DPH6: variants seen among roughly 807,000 people sequenced by gnomAD.
DPH6 encodes the protein diphthamine biosynthesis 6.
DPH6 carries 33 observed loss-of-function variants against 38.2 expected under a neutral mutation model. That is an observed-to-expected ratio of 0.86 (90% CI 0.65 to 1.15). The LOEUF (loss-of-function observed/expected upper bound fraction) is 1.15, where lower values mean the gene tolerates loss of function less well. Among genes scored for constraint, DPH6 ranks in the 50% most tolerant of loss-of-function variants. DPH6 has a pLI of 0.00. For synonymous variants in DPH6, 108 were observed against 103.0 expected (o/e 1.05, Z -0.30); for missense variants, 325 against 320.0 (o/e 1.02, Z -0.12).
intron 3 of DPH6, among the ~76,000 whole-genome samples, chr15:35,324,200 T>G (rs1249834982): frequency 6.6e-6 from 1 of 152,160 alleles, no homozygotes. Context: ...CAAATAAAAT[T>G]TAGCTAATTC....
intron 6 of DPH6, among the ~76,000 whole-genome samples, chr15:35,400,470 T>C (rs1281048203): frequency 6.6e-6 from 1 of 151,998 alleles, no homozygotes; most frequent in African/African-American, 2.4e-5. Flanking sequence ...CAAATATTAG[T>C]GGTGGTAGCA....
chr15:35,504,899 T>TA (rs1304670159), intron 3 of DPH6, among the ~76,000 whole-genome samples: 1 of 151,672 alleles, frequency 6.6e-6, no homozygotes, highest in Admixed American at 6.6e-5. Context: ...CATATCAAAG[T>TA]AAAAAAAGGT....
chr15:35,170,289 T>C, the DPH6 span, among the ~76,000 whole-genome samples: 4 of 152,200 alleles, frequency 2.6e-5, no homozygotes, highest in African/African-American at 9.7e-5. Flanking sequence ...AATGTGTCTC[T>C]TGGTTCAGAA....
intron 3 of DPH6, among the ~76,000 whole-genome samples, chr15:35,462,905 AC>A (rs1364816235): frequency 2.6e-5 from 4 of 152,160 alleles, no homozygotes; most frequent in Non-Finnish European, 5.9e-5. Context: ...TTAAACAATG[AC>A]CTAAAACAAA....
intron 3 of DPH6, among the ~76,000 whole-genome samples, chr15:35,246,949 T>C (rs1224292889): frequency 6.6e-6 from 1 of 152,214 alleles, no homozygotes; most frequent in Non-Finnish European, 1.5e-5. Context: ...AAAAGTACTC[T>C]AGTTCCATAG....
At chr15:35,489,936 AAG>A in intron 3 of DPH6, 1 of 977,528 alleles carries the variant, frequency 1.0e-6, no homozygotes, top group Non-Finnish European at 1.2e-6. Flanking sequence ...AAGTATCAAA[AAG>A]AAACTATTTT....
intron 3 of DPH6, among the ~76,000 whole-genome samples, chr15:35,476,182 G>A (rs941089288): frequency 2.6e-5 from 4 of 151,714 alleles, no homozygotes; most frequent in Non-Finnish European, 5.9e-5. Flanking sequence ...ATCTTACTAG[G>A]CATGTATTTC....
intron 3 of DPH6, among the ~76,000 whole-genome samples, chr15:35,233,643 C>T (rs1003155188): frequency 1.3e-5 from 2 of 152,264 alleles, no homozygotes; most frequent in Middle Eastern, 3.4e-3. Flanking sequence ...TGAAGTTCAC[C>T]TCAAGCCAAA....
the DPH6 span, among the ~76,000 whole-genome samples, chr15:35,185,724 C>CTTTTTTTTT: frequency 1.2e-5 from 1 of 83,016 alleles, no homozygotes; most frequent in African/African-American, 4.1e-5. Context: ...CCAATCCACT[C>CTTTTTTTTT]TTTTTTTTTT....
At chr15:35,491,465 G>A (rs907984185) in intron 3 of DPH6, among the ~76,000 whole-genome samples, 10 of 149,634 alleles carry the variant, frequency 6.7e-5, no homozygotes, top group Non-Finnish European at 8.9e-5. Flanking sequence ...TGGCACTGTC[G>A]GTTAATCATC....
intron 5 of DPH6, among the ~76,000 whole-genome samples, chr15:35,442,078 C>T (rs1389860017): frequency 6.6e-6 from 1 of 151,514 alleles, no homozygotes; most frequent in Non-Finnish European, 1.5e-5. Flanking sequence ...CAAAGGACAC[C>T]ACCCAGAAGT....
chr15:35,155,311 G>T, the DPH6 span, among the ~76,000 whole-genome samples: 1 of 152,222 alleles, frequency 6.6e-6, no homozygotes, highest in Admixed American at 6.5e-5. Flanking sequence ...GTATGTGTGT[G>T]TAGGACGGTT....
chr15:35,247,269 A>G (rs569008249), intron 3 of DPH6, among the ~76,000 whole-genome samples: 3 of 152,338 alleles, frequency 2.0e-5, no homozygotes, highest in South Asian at 2.1e-4. Flanking sequence ...TATATACTCT[A>G]TCTACTTGAG....
intron 3 of DPH6, among the ~76,000 whole-genome samples, chr15:35,357,160 A>G (rs1342871506): frequency 6.6e-6 from 1 of 152,222 alleles, no homozygotes; most frequent in Admixed American, 6.5e-5. Flanking sequence ...GGAATGACCC[A>G]ATTTTCTAGG....
intron 6 of DPH6, among the ~76,000 whole-genome samples, chr15:35,400,093 C>G (rs1288314383): frequency 6.6e-6 from 1 of 152,130 alleles, no homozygotes; most frequent in African/African-American, 2.4e-5. Context: ...AGGAAACTGA[C>G]AAAATACTTC....
chr15:35,434,093 T>C (rs559147185), intron 5 of DPH6, among the ~76,000 whole-genome samples: 1 of 152,266 alleles, frequency 6.6e-6, no homozygotes, highest in African/African-American at 2.4e-5. Context: ...TATAAACTAG[T>C]ACAAATCAGA....
intron 3 of DPH6, among the ~76,000 whole-genome samples, chr15:35,331,889 G>A (rs915002584): frequency 8.5e-5 from 13 of 152,180 alleles, no homozygotes; most frequent in African/African-American, 2.9e-4. Flanking sequence ...AGCTGAGGGA[G>A]CGCCTTTGGC....
At chr15:35,324,081 C>G (rs1454210959) in intron 3 of DPH6, among the ~76,000 whole-genome samples, 1 of 152,140 alleles carries the variant, frequency 6.6e-6, no homozygotes, top group African/African-American at 2.4e-5. Context: ...TTGTTAACTT[C>G]TAGATGCCTC....
chr15:35,339,290 ACTT>A (rs1479266036), intron 3 of DPH6, among the ~76,000 whole-genome samples: 2 of 151,338 alleles, frequency 1.3e-5, no homozygotes, highest in Admixed American at 6.6e-5. Flanking sequence ...GTTTCAAAGA[ACTT>A]CTTCATTTCT....
Sources: gnomAD v4.1 joint callset for allele counts (sites outside exome capture counted in the v4.1 genomes callset) on GRCh38, gnomAD v4.1.1 for gene constraint, MANE v1.5 for transcripts, NCBI Gene and HGNC (gene_info 2026-07-23, HGNC 2026-07-21) for gene names.